The following FAT3 variants were observed in gnomAD, a reference collection of about 807,000 sequenced individuals.
FAT3 encodes FAT atypical cadherin 3.
A neutral mutation model predicts 310.2 loss-of-function variants in FAT3; 95 were observed. The ratio of observed to expected loss-of-function variants is 0.31; its 90% CI spans 0.26 to 0.36. The LOEUF is 0.36. Among genes scored for constraint, FAT3 ranks in the 10% least tolerant of loss-of-function variants. The pLI, the probability that FAT3 is intolerant of heterozygous loss-of-function variation, is 1.00. For missense variants in FAT3, 5,408 were observed against 5,715.6 expected (o/e 0.95, Z 1.74); for synonymous variants, 2,314 against 2,192.9 (o/e 1.06, Z -1.54).
intron 3 of FAT3, among the ~76,000 whole-genome samples, chr11:92,608,883 G>A (rs1476186755): frequency 6.6e-6 from 1 of 152,088 alleles, no homozygotes; most frequent in Non-Finnish European, 1.5e-5. Context: ...GGCCTGCTGG[G>A]AAGACTTAGG....
chr11:92,848,328 A>G (rs1316992541), intron 19 of FAT3, among the ~76,000 whole-genome samples: 1 of 152,176 alleles, frequency 6.6e-6, no homozygotes, highest in Non-Finnish European at 1.5e-5. Flanking sequence ...AAGAGATACA[A>G]AGGTCTGATG....
intron 1 of FAT3, among the ~76,000 whole-genome samples, chr11:92,293,529 TATATATATATATATATATATATAA>T (rs993781452): frequency 1.4e-4 from 10 of 69,302 alleles, no homozygotes; most frequent in South Asian, 9.0e-4. Context: ...TATATATATA[TATATATATATATATATATATATAA>T]ATAAAATATA....
intron 3 of FAT3, among the ~76,000 whole-genome samples, chr11:92,528,703 G>A (rs912846488): frequency 2.0e-5 from 3 of 152,190 alleles, no homozygotes; most frequent in Admixed American, 6.5e-5. Flanking sequence ...TTTTGAGGGA[G>A]TCCAGGGTGG....
At chr11:92,675,632 G>T (rs2135839858) in intron 3 of FAT3, among the ~76,000 whole-genome samples, 1 of 152,290 alleles carries the variant, frequency 6.6e-6, no homozygotes, top group East Asian at 1.9e-4. Context: ...CTGCTGCCAG[G>T]TTATAATCAT....
In FAT3 at chr11:92,798,714, G is replaced by A; in HGVS notation, c.5701G>A (p.Glu1901Lys). 1 of 1,613,782 alleles carries A rather than the reference G, an allele frequency of 6.2e-7. No individual in the cohort carries two copies. Among genetic ancestry groups the A allele is most frequent in the Non-Finnish European group, 8.5e-7 (1 of 1,179,840 alleles). Reference protein sequence around the residue: ...ILLLPTYVGVEVLKVSATDPD... With the variant: ...ILLLPTYVGVKVLKVSATDPD... The stretch of plus-strand genomic sequence containing the variant: ...ACTTCTACCTACCTATGTTGGAGTG[G>A]AGGTTCTGAAAGTTAGTGCCACAGA... The change falls in exon 10 of 28, where the codon GAG (glutamate) becomes AAG (lysine). Residue 1901 changes from glutamate (E) to lysine (K), a missense_variant. Physicochemically the swap from Glu to Lys is moderately conservative, Grantham distance 56. Transcript: ENST00000525166.
chr11:92,364,080 A>G (rs941986587), intron 2 of FAT3, among the ~76,000 whole-genome samples: 15 of 152,070 alleles, frequency 9.9e-5, no homozygotes, highest in African/African-American at 2.9e-4. Context: ...TTGAGCTGCT[A>G]TTGTCTCTGT....
intron 4 of FAT3, among the ~76,000 whole-genome samples, chr11:92,707,249 G>A (rs890170864): frequency 4.6e-5 from 7 of 152,190 alleles, no homozygotes; most frequent in African/African-American, 2.4e-5. Context: ...CAGTGGCTCC[G>A]CCTGGCAATG....
At chr11:92,880,524 T>C (rs937093610) in intron 22 of FAT3, among the ~76,000 whole-genome samples, 7 of 151,824 alleles carry the variant, frequency 4.6e-5, no homozygotes, top group Non-Finnish European at 1.0e-4. Flanking sequence ...TTAGGTGAAT[T>C]TTTGTGGGCT....
intron 1 of FAT3, among the ~76,000 whole-genome samples, chr11:92,236,109 A>T (rs1864407922): frequency 6.6e-6 from 1 of 152,202 alleles, no homozygotes; most frequent in Non-Finnish European, 1.5e-5. Flanking sequence ...AATTATTCAT[A>T]AACACCTGTG....
chr11:92,341,158 A>G (rs1948251264), intron 1 of FAT3, among the ~76,000 whole-genome samples: 1 of 152,140 alleles, frequency 6.6e-6, no homozygotes, highest in African/African-American at 2.4e-5. Context: ...AGGTTCTTGG[A>G]CACTTTCTTT....
chr11:92,703,793 T>TC (rs956212219), intron 4 of FAT3, among the ~76,000 whole-genome samples: 4 of 152,264 alleles, frequency 2.6e-5, no homozygotes, highest in Non-Finnish European at 4.4e-5. Flanking sequence ...AGTGTGGTTT[T>TC]CCCACTGGAC....
chr11:92,806,699 G>C (rs1020876017), intron 12 of FAT3, among the ~76,000 whole-genome samples, 184 bp downstream of exon 12: 1 of 152,160 alleles, frequency 6.6e-6, no homozygotes, highest in Non-Finnish European at 1.5e-5. Context: ...CAGATTAACA[G>C]GAGAAAAGGC....
At chr11:92,348,589 T>C (rs183029002) in intron 1 of FAT3, among the ~76,000 whole-genome samples, 5 of 152,256 alleles carry the variant, frequency 3.3e-5, no homozygotes, top group African/African-American at 1.2e-4. Flanking sequence ...GGAAGATGAC[T>C]CCAAAATAAT....
chr11:92,284,632 A>G (rs1343471914), intron 1 of FAT3, among the ~76,000 whole-genome samples: 1 of 152,122 alleles, frequency 6.6e-6, no homozygotes, highest in Non-Finnish European at 1.5e-5. Context: ...CTTAGGGCAC[A>G]CTGCGTTTGA....
rs572196262 is a variant in FAT3 at position 92,849,695 on chromosome 11, G to T, written c.11365+4963G>T. Among the ~76,000 whole-genome samples, 3 of 152,336 alleles carry T rather than the reference G, an allele frequency of 2.0e-5. No individual in the cohort carries two copies. In the South Asian group the frequency reaches 6.2e-4, roughly 32 times the overall value. On this transcript the variant is annotated intron_variant, in intron 19 of 27. Coordinates refer to ENST00000525166, the MANE Select transcript of FAT3 (RefSeq NM_001367949.2). ...GAGGAGTACAAGAAAGACATTGGAA[G>T]CAATGAAGCATGTCACAATAGGTCT... is the stretch of plus-strand genomic sequence containing the variant.
chr11:92,824,994 C>T (rs1032516199), intron 13 of FAT3, among the ~76,000 whole-genome samples: 2 of 151,982 alleles, frequency 1.3e-5, no homozygotes, highest in Non-Finnish European at 2.9e-5. Context: ...TTTTTTTTCA[C>T]AAATGCAAAC....
intron 1 of FAT3, among the ~76,000 whole-genome samples, chr11:92,229,378 G>T (rs1864051988): frequency 6.6e-6 from 1 of 151,714 alleles, no homozygotes; most frequent in Non-Finnish European, 1.5e-5. Context: ...CTGTGTTTTG[G>T]TCGATTTAAT....
chr11:92,285,568 T>A (rs987524854), intron 1 of FAT3, among the ~76,000 whole-genome samples: 1 of 152,120 alleles, frequency 6.6e-6, no homozygotes, highest in Admixed American at 6.6e-5. Flanking sequence ...GCAACACAAG[T>A]GGCTATTGAT....
At chr11:92,342,591 G>A (rs1222194364) in intron 1 of FAT3, among the ~76,000 whole-genome samples, 1 of 151,898 alleles carries the variant, frequency 6.6e-6, no homozygotes, top group Non-Finnish European at 1.5e-5. Flanking sequence ...TTTTTTTTCT[G>A]AACTACATTT....
Sources: allele counts gnomAD v4.1 joint callset (sites outside exome capture counted in the v4.1 genomes callset), GRCh38; gene constraint gnomAD v4.1.1; transcripts MANE v1.5; gene names NCBI Gene and HGNC (gene_info 2026-07-23, HGNC 2026-07-21).